DAB1: variants seen among roughly 807,000 people sequenced by gnomAD.
DAB1 encodes the protein DAB adaptor protein 1.
DAB1 carries 15 observed loss-of-function variants against 64.6 expected under a neutral mutation model. That is an observed-to-expected ratio of 0.23 (90% CI 0.16 to 0.36). The LOEUF (loss-of-function observed/expected upper bound fraction) is 0.36. Ranked by LOEUF, DAB1 falls within the 10% of genes least tolerant of loss-of-function variation. The pLI, the probability that DAB1 is intolerant of heterozygous loss-of-function variation, is 1.00. For synonymous variants in DAB1, 235 were observed against 251.9 expected (o/e 0.93, Z 0.64); for missense variants, 596 against 706.7 (o/e 0.84, Z 1.78).
intron 3 of DAB1, among the ~76,000 whole-genome samples, chr1:58,484,220 T>C (rs1423084105): frequency 6.6e-6 from 1 of 152,220 alleles, no homozygotes; most frequent in East Asian, 1.9e-4. Flanking sequence ...GGCATTAGAA[T>C]TGTTCCCACA....
intron 7 of DAB1, among the ~76,000 whole-genome samples, chr1:57,624,296 C>A (rs926944846): frequency 1.3e-5 from 2 of 152,122 alleles, no homozygotes; most frequent in Non-Finnish European, 2.9e-5. Flanking sequence ...CTTTTGGTGT[C>A]ACATGACACC....
intron 1 of DAB1, among the ~76,000 whole-genome samples, chr1:57,833,070 A>G (rs1652660723): frequency 6.6e-6 from 1 of 150,810 alleles, no homozygotes; most frequent in Non-Finnish European, 1.5e-5. Flanking sequence ...AGACTGAAAA[A>G]AAAAAAAAAA....
At chr1:58,153,153 C>T (rs557914367) in intron 4 of DAB1, among the ~76,000 whole-genome samples, 5 of 152,156 alleles carry the variant, frequency 3.3e-5, no homozygotes, top group African/African-American at 7.2e-5. Context: ...TCTAGAGATT[C>T]GAAAGACAGA....
At chr1:57,875,476 C>T (rs1644029092) in intron 1 of DAB1, among the ~76,000 whole-genome samples, 3 of 152,148 alleles carry the variant, frequency 2.0e-5, no homozygotes, top group South Asian at 4.1e-4. Flanking sequence ...TTCCCAAGTA[C>T]CTGATACCTT....
chr1:57,160,956 G>A (rs1334050464), intron 2 of DAB1, among the ~76,000 whole-genome samples: 4 of 152,202 alleles, frequency 2.6e-5, no homozygotes, highest in Non-Finnish European at 4.4e-5. Flanking sequence ...GATAGTGGGA[G>A]CAGGTGACGC....
chr1:57,175,182 G>A (rs1311598068), intron 2 of DAB1, among the ~76,000 whole-genome samples: 1 of 152,004 alleles, frequency 6.6e-6, no homozygotes, highest in African/African-American at 2.4e-5. Flanking sequence ...TTAGCAAACT[G>A]TATTCCAATG....
At chr1:57,579,594 C>T (rs188857297) in intron 7 of DAB1, among the ~76,000 whole-genome samples, 43 of 152,184 alleles carry the variant, frequency 2.8e-4, no homozygotes, top group African/African-American at 8.7e-4. Context: ...TGAAGGAGAG[C>T]AGGTTCATAG....
chr1:57,225,480 A>C (rs1001908434), intron 2 of DAB1, among the ~76,000 whole-genome samples: 1 of 152,168 alleles, frequency 6.6e-6, no homozygotes, highest in East Asian at 1.9e-4. Context: ...CCACCCACCC[A>C]TGCCACCAAA....
At position 57,938,328 on chromosome 1, in the gene DAB1, G is replaced by A. The variant is rs139677696; in HGVS notation, n.388-54166C>T. ...GCAGTGTGTTGGTAGGATCACATTC[G>A]TCCCTATTATATGGTTTGGCTGTGT... is the stretch of plus-strand genomic sequence containing the variant. On this transcript the variant is annotated intron_variant and non_coding_transcript_variant, in intron 5 of 20. Coordinates refer to the DAB1 transcript ENST00000485760. Among the ~76,000 whole-genome samples the A allele has an allele frequency of 9.3e-4, 142 of 152,214 alleles. 1 individual carries two copies. The South Asian group carries it at 9.8e-3, about 10-fold the overall frequency.
intron 1 of DAB1, among the ~76,000 whole-genome samples, chr1:57,347,349 C>T (rs944171608): frequency 1.5e-4 from 23 of 152,116 alleles, no homozygotes; most frequent in South Asian, 6.2e-4. Context: ...TGACCAGCAG[C>T]GAAATATCCC....
chr1:58,356,363 C>T (rs777285519), intron 3 of DAB1, among the ~76,000 whole-genome samples: 5 of 152,140 alleles, frequency 3.3e-5, no homozygotes, highest in African/African-American at 1.2e-4. Context: ...GCTCACAAGA[C>T]ATTTATATTT....
chr1:58,457,519 A>G (rs1364876425), intron 3 of DAB1, among the ~76,000 whole-genome samples: 5 of 152,250 alleles, frequency 3.3e-5, no homozygotes, highest in African/African-American at 1.2e-4. Context: ...GATTAGGGAA[A>G]AAAATCCCTT....
At chr1:57,537,893 G>T (rs1383308562) in intron 7 of DAB1, among the ~76,000 whole-genome samples, 1 of 152,168 alleles carries the variant, frequency 6.6e-6, no homozygotes, top group Non-Finnish European at 1.5e-5. Context: ...GTGGTGGAGG[G>T]TGAACAGAAG....
intron 1 of DAB1, among the ~76,000 whole-genome samples, chr1:57,398,783 C>T (rs1683015439): frequency 6.6e-6 from 1 of 152,240 alleles, no homozygotes; most frequent in Admixed American, 6.5e-5. Flanking sequence ...GAGATGCCGC[C>T]TCTGGGCTTG....
chr1:57,318,334 A>T (rs1675396698), intron 1 of DAB1, among the ~76,000 whole-genome samples: 1 of 152,202 alleles, frequency 6.6e-6, no homozygotes, highest in Non-Finnish European at 1.5e-5. Context: ...TTTCTAAAGA[A>T]AAGGAGAAAA....
chr1:57,415,246 A>AAC (rs111517848), intron 1 of DAB1, among the ~76,000 whole-genome samples: 68,716 of 143,046 alleles, frequency 0.48, 16,589 homozygotes, highest in East Asian at 0.75. Context: ...TACCTCACAC[A>AAC]ACACACACAC....
intron 5 of DAB1, among the ~76,000 whole-genome samples, chr1:58,073,195 G>A (rs541253298): frequency 1.3e-5 from 2 of 152,148 alleles, no homozygotes; most frequent in Non-Finnish European, 2.9e-5. Flanking sequence ...AACTAGCTGC[G>A]TTAGCCAAAT....
chr1:58,099,032 G>T lies in DAB1; in HGVS notation n.387+51479C>A, dbSNP rs142141171. On this transcript the variant is annotated intron_variant and non_coding_transcript_variant, in intron 5 of 20. Coordinates refer to the DAB1 transcript ENST00000485760. ...AGAGATCCAGAACAACTCTACCCAG[G>T]CCCCTCAGAAATGGGTGTTTCAAGA... Among the ~76,000 whole-genome samples, 618 of 152,254 alleles carry T rather than the reference G, an allele frequency of 4.1e-3. 20 individuals carry two copies. The highest frequency in any genetic ancestry group is 0.037 in the Admixed American group (559 of 15,288).
At chr1:57,150,524 A>C (rs1231632843) in intron 2 of DAB1, among the ~76,000 whole-genome samples, 1 of 152,182 alleles carries the variant, frequency 6.6e-6, no homozygotes, top group East Asian at 1.9e-4. Flanking sequence ...TCTCCTGCCC[A>C]GAGGAAGCCA....
Sources: gnomAD v4.1 joint callset for allele counts (sites outside exome capture counted in the v4.1 genomes callset) on GRCh38, gnomAD v4.1.1 for gene constraint, MANE v1.5 for transcripts, NCBI Gene and HGNC (gene_info 2026-07-23, HGNC 2026-07-21) for gene names.